Variants in AKAP19 observed in about 807,000 individuals in gnomAD.
AKAP19 encodes the protein A-kinase anchoring protein 19, also known as small A-kinase anchoring protein.
the AKAP19 span, chr2:189,930,536 C>T: frequency 1.9e-5 from 4 of 207,916 alleles, no homozygotes; most frequent in Admixed American, 5.8e-5. Flanking sequence ...AATTAGCTGG[C>T]GTGGTGGCGC....
the AKAP19 span, among the ~76,000 whole-genome samples, chr2:190,105,850 C>G: frequency 6.6e-6 from 1 of 152,134 alleles, no homozygotes; most frequent in Non-Finnish European, 1.5e-5. Context: ...ATCTGTTTAT[C>G]ACACTAAACA....
chr2:189,933,095 A>G, the AKAP19 span, among the ~76,000 whole-genome samples: 1 of 152,214 alleles, frequency 6.6e-6, no homozygotes, highest in African/African-American at 2.4e-5. Context: ...TTCAGTTTTC[A>G]GATTTGAGAA....
At chr2:190,122,944 G>A in the AKAP19 span, among the ~76,000 whole-genome samples, 1 of 151,676 alleles carries the variant, frequency 6.6e-6, no homozygotes, top group Admixed American at 6.6e-5. Flanking sequence ...TGAGTAGCTG[G>A]GACTGTAGGC....
At chr2:189,928,580 A>G in the AKAP19 span, among the ~76,000 whole-genome samples, 1 of 152,160 alleles carries the variant, frequency 6.6e-6, no homozygotes. Flanking sequence ...ACATGTAACA[A>G]TTTAACACAA....
At chr2:190,003,280 A>T in the AKAP19 span, among the ~76,000 whole-genome samples, 1 of 152,064 alleles carries the variant, frequency 6.6e-6, no homozygotes, top group Non-Finnish European at 1.5e-5. Flanking sequence ...TTTTTACCTC[A>T]TATTTTTCCA....
At chr2:190,159,678 C>T in the AKAP19 span, among the ~76,000 whole-genome samples, 2 of 152,152 alleles carry the variant, frequency 1.3e-5, no homozygotes, top group African/African-American at 2.4e-5. Flanking sequence ...TGTAAACTAA[C>T]AGAGCTTGCC....
the AKAP19 span, among the ~76,000 whole-genome samples, chr2:189,983,509 G>GA: frequency 6.6e-6 from 1 of 152,342 alleles, no homozygotes; most frequent in East Asian, 1.9e-4. Context: ...TTAGTGAGAA[G>GA]AACAACTGCT....
chr2:190,064,995 A>G, the AKAP19 span, among the ~76,000 whole-genome samples: 2 of 152,166 alleles, frequency 1.3e-5, no homozygotes, highest in Non-Finnish European at 2.9e-5. Context: ...TGGCATTCAC[A>G]GAGCGGCAAA....
chr2:189,884,488 C>T, the AKAP19 span, among the ~76,000 whole-genome samples: 1 of 152,084 alleles, frequency 6.6e-6, no homozygotes, highest in Non-Finnish European at 1.5e-5. Flanking sequence ...GTAGAAGAAA[C>T]ACTTCCCCAT....
At chr2:190,110,336 T>A in the AKAP19 span, among the ~76,000 whole-genome samples, 1 of 152,170 alleles carries the variant, frequency 6.6e-6, no homozygotes, top group Non-Finnish European at 1.5e-5. Context: ...CTGCCAAGCC[T>A]CCCCATTGCA....
chr2:189,991,165 A>C, the AKAP19 span, among the ~76,000 whole-genome samples: 1 of 152,120 alleles, frequency 6.6e-6, no homozygotes, highest in Admixed American at 6.6e-5. Flanking sequence ...ATGTGTATGC[A>C]ATTTTCTTTT....
chr2:190,157,823 G>A, the AKAP19 span, among the ~76,000 whole-genome samples: 1 of 152,116 alleles, frequency 6.6e-6, no homozygotes, highest in African/African-American at 2.4e-5. Context: ...GACTTAAAAT[G>A]TAATGCTCCA....
the AKAP19 span, among the ~76,000 whole-genome samples, chr2:189,941,519 T>C: frequency 3.3e-5 from 5 of 152,242 alleles, no homozygotes; most frequent in Non-Finnish European, 5.9e-5. Flanking sequence ...TTGTTTTTAA[T>C]TTTTGTTTTC....
At chr2:190,075,149 G>T in the AKAP19 span, among the ~76,000 whole-genome samples, 51 of 152,200 alleles carry the variant, frequency 3.4e-4, no homozygotes, top group African/African-American at 1.1e-3. Context: ...ATTATTTTTT[G>T]ACCATACTTA....
At chr2:189,931,825 G>C in the AKAP19 span, among the ~76,000 whole-genome samples, 1 of 152,076 alleles carries the variant, frequency 6.6e-6, no homozygotes, top group African/African-American at 2.4e-5. Context: ...GTTTCACCAT[G>C]TTGTCTAGGC....
At chr2:189,893,798 C>T in the AKAP19 span, among the ~76,000 whole-genome samples, 1 of 152,218 alleles carries the variant, frequency 6.6e-6, no homozygotes, top group Middle Eastern at 3.4e-3. Flanking sequence ...AAAAAAATAA[C>T]AATATAGGAG....
At chr2:190,148,738 T>C in the AKAP19 span, among the ~76,000 whole-genome samples, 2 of 152,176 alleles carry the variant, frequency 1.3e-5, no homozygotes, top group Non-Finnish European at 1.5e-5. Flanking sequence ...GCTAGGAGGA[T>C]TGTATTTTTC....
At chr2:190,119,068 G>C in the AKAP19 span, among the ~76,000 whole-genome samples, 637 of 152,250 alleles carry the variant, frequency 4.2e-3, no homozygotes, top group Non-Finnish European at 7.0e-3. Flanking sequence ...TTCTTATACA[G>C]CAATAACAGA....
chr2:189,995,511 G>T, the AKAP19 span, among the ~76,000 whole-genome samples: 3 of 152,240 alleles, frequency 2.0e-5, no homozygotes, highest in African/African-American at 7.2e-5. Flanking sequence ...GAGTCCTTAT[G>T]TGTTAGATGA....
Sources: allele counts gnomAD v4.1 joint callset (sites outside exome capture counted in the v4.1 genomes callset), GRCh38; gene constraint gnomAD v4.1.1; transcripts MANE v1.5; gene names NCBI Gene and HGNC (gene_info 2026-07-23, HGNC 2026-07-21).